The following CRYBG2 variants were observed in gnomAD, a reference collection of about 807,000 sequenced individuals.
CRYBG2 encodes the protein beta/gamma crystallin domain-containing protein 2.
A neutral mutation model predicts 153.4 loss-of-function variants in CRYBG2; 106 were observed. The ratio of observed to expected loss-of-function variants is 0.69; its 90% confidence interval spans 0.59 to 0.81. CRYBG2 has a LOEUF of 0.81. CRYBG2 is among the 30% of genes least tolerant of loss of function. The pLI, the probability that CRYBG2 is intolerant of heterozygous loss-of-function variation, is 0.00. For missense variants in CRYBG2, 1,996 were observed against 2,112.0 expected (o/e 0.95, Z 1.08); for synonymous variants, 851 against 877.8 (o/e 0.97, Z 0.54).
At chr1:26,334,111 T>G (rs2074027714) in intron 14 of CRYBG2, among the ~76,000 whole-genome samples, 1 of 152,140 alleles carries the variant, frequency 6.6e-6, no homozygotes, top group South Asian at 2.1e-4. Context: ...CCCAGCTTCA[T>G]GGTAATTATT....
chr1:26,322,189 G>C lies in CRYBG2; in HGVS notation c.4872C>G (p.Phe1624Leu). ...CCTTCACGTCCAGGATCTGGCCTTCGAACATCTGGCTGCAGATGTGGCCCG... is the reference window on the plus strand; with the variant it reads ...CCTTCACGTCCAGGATCTGGCCTTCCAACATCTGGCTGCAGATGTGGCCCG... Reference protein sequence around the residue: ...SESGHICSQMFEGQILDVKGG... With the variant: ...SESGHICSQMLEGQILDVKGG... Residue 1624 changes from phenylalanine to leucine, a missense_variant, in exon 19 of 20, where the codon TTC becomes TTG. Transcript: ENST00000308182. 6.2e-7 allele frequency: 1 copy of C among 1,614,038 alleles called. No homozygotes were observed. The highest frequency in any genetic ancestry group is 8.5e-7 in the Non-Finnish European group (1 of 1,179,936).
intron 15 of CRYBG2, among the ~76,000 whole-genome samples, chr1:26,329,479 AT>A (rs34287969): frequency 0.6 from 84,245 of 139,340 alleles, 25,341 homozygotes; most frequent in Middle Eastern, 0.67. Flanking sequence ...CGCAGCTTAG[AT>A]TTTTTTTTTT....
intron 14 of CRYBG2, among the ~76,000 whole-genome samples, chr1:26,334,787 G>A (rs1028827813): frequency 3.3e-5 from 5 of 152,058 alleles, no homozygotes; most frequent in Non-Finnish European, 7.4e-5. Flanking sequence ...GCTGGGCGTG[G>A]TGGCGGGTGC....
intron 8 of CRYBG2, 96 bp downstream of exon 8, chr1:26,337,916 G>A: frequency 1.3e-6 from 2 of 1,491,560 alleles, no homozygotes; most frequent in Non-Finnish European, 1.8e-6. Context: ...GGCCCCCAGT[G>A]CCCTCCTCTC....
At chr1:26,330,586 T>A (rs1191757761) in intron 15 of CRYBG2, among the ~76,000 whole-genome samples, 3 of 143,080 alleles carry the variant, frequency 2.1e-5, no homozygotes, top group African/African-American at 7.9e-5. Context: ...TCACCCAGGC[T>A]GGAGTACGGT....
Position 26,328,766 on chromosome 1 carries a change from GT to G in CRYBG2, c.4421del (p.Asn1474ThrfsTer37). On this transcript the variant is annotated frameshift_variant, in exon 16 of 20. Transcript: ENST00000308182. LOFTEE classifies it high-confidence loss of function. ...VRSLQAEGFN[N>X]HVLSVRIKGG... The stretch of plus-strand genomic sequence containing the variant: ...CCTTGATCCGCACAGACAGCACATG[GT>G]TGTTGAAGCCCTCGGCTTGCAGGCT... 1 of 1,614,056 alleles carries G rather than the reference GT, an allele frequency of 6.2e-7. No individual in the cohort carries two copies. Among genetic ancestry groups the G allele is most frequent in the Non-Finnish European group, 8.5e-7 (1 of 1,180,006 alleles).
rs1317769593 is a variant in CRYBG2, at chr1:26,345,827, C to A, written c.831G>T (p.Leu277=). Residue 277 remains leucine, a synonymous_variant, in exon 2 of 20, where the codon CTG becomes CTT. Transcript: ENST00000308182. The part of the protein sequence containing the change: ...GSTVGAALRQ[L]PETGTAELKD... ...TAAGCTCTGCTGTCCCGGTCTCAGG[C>A]AGCTGCCTCAAGGCTGCCCCCACTG... 3 of 1,596,404 alleles carry A rather than the reference C, an allele frequency of 1.9e-6. No homozygotes were observed. The highest frequency in any genetic ancestry group is 2.5e-6 in the Non-Finnish European group (3 of 1,179,136).
At chr1:26,347,727 T>G (rs1177648365) in intron 1 of CRYBG2, among the ~76,000 whole-genome samples, 1 of 152,048 alleles carries the variant, frequency 6.6e-6, no homozygotes, top group Non-Finnish European at 1.5e-5. Flanking sequence ...CCTGACCTCA[T>G]GATCCACCCG....
Position 26,336,292 on chromosome 1 carries a change from G to A in CRYBG2, c.4071+46C>T. 6.2e-7 allele frequency: 1 copy of A among 1,611,080 alleles called. No individual in the cohort carries two copies. Among genetic ancestry groups the A allele is most frequent in the Non-Finnish European group, 8.5e-7 (1 of 1,178,440 alleles). On this transcript the variant is annotated intron_variant, in intron 13 of 19. Coordinates refer to ENST00000308182, the MANE Select transcript of CRYBG2 (RefSeq NM_001039775.4). This position sits in a 1 kb window ranked among gnomAD's most constrained non-coding sequence, Gnocchi z 4.9. ...GGGGAGGGGAAAGGTCCGAAATGAG[G>A]GGAGAGACGTGAGCCCAGCGGCTCC...
At chr1:26,353,933 C>G (rs2074311064) in intron 1 of CRYBG2, 103 bp downstream of exon 1, 1 of 398,718 alleles carries the variant, frequency 2.5e-6, no homozygotes, top group Non-Finnish European at 4.4e-6. Context: ...GCTCAGGGTC[C>G]TGAATGAATG....
rs10611174 is a variant in CRYBG2 at position 26,324,504 on chromosome 1, TCACACA to T, written c.4579-200_4579-195del. 2.6e-3 allele frequency among the ~76,000 whole-genome samples: 328 copies of T among 126,560 alleles called. 1 individual carries two copies. Among genetic ancestry groups the T allele is most frequent in the South Asian group, 3.7e-3 (15 of 4,070 alleles). The allele number at this position is 126,560 out of a possible 152,430, so 83.0% of individuals were successfully genotyped here. A position where few individuals can be genotyped will look rare whatever the true frequency, so the allele number is the denominator to read the frequency against. On this transcript the variant is annotated intron_variant, in intron 17 of 19. Coordinates refer to ENST00000308182, the MANE Select transcript of CRYBG2 (RefSeq NM_001039775.4). The stretch of plus-strand genomic sequence containing the variant: ...GAGAGCACATGTATCTCTCTCTCTC[TCACACA>T]CACACACACACACACACACACACAC...
intron 1 of CRYBG2, among the ~76,000 whole-genome samples, chr1:26,347,739 C>T (rs1466125067): frequency 6.6e-6 from 1 of 152,148 alleles, no homozygotes; most frequent in African/African-American, 2.4e-5. Context: ...ATCCACCCGT[C>T]TTGGCCTCCC....
chr1:26,345,357 C>G lies in CRYBG2; in HGVS notation c.1301G>C (p.Gly434Ala). The G allele has an allele frequency of 6.2e-7, 1 of 1,613,408 alleles. No individual in the cohort carries two copies. Among genetic ancestry groups the G allele is most frequent in the South Asian group, 1.1e-5 (1 of 91,082 alleles). The change falls in exon 2 of 20, where the codon GGA becomes GCA. Residue 434 changes from glycine to alanine, a missense_variant. Physicochemically the swap from Gly to Ala is moderately conservative, Grantham distance 60 (BLOSUM62 0). Coordinates refer to ENST00000308182, the MANE Select transcript of CRYBG2 (RefSeq NM_001039775.4). ...TTRRKDVPSPGGLSAPSSPRN... is the reference protein window; with the variant it reads ...TTRRKDVPSPAGLSAPSSPRN... ...TGGGGACGATGGAGCAGAAAGACCTCCTGGGCTGGGGACATCCTTCCTTCT... is the reference window on the plus strand; with the variant it reads ...TGGGGACGATGGAGCAGAAAGACCTGCTGGGCTGGGGACATCCTTCCTTCT...
rs1017467506 is a variant in CRYBG2, at chr1:26,339,439, G to T, written c.3205-10C>A. 6.2e-7 allele frequency: 1 copy of T among 1,613,496 alleles called. No individual in the cohort carries two copies. ...CCGGGGTGCTGTAGTCCTGTGGAAG[G>T]AGGGGGAAAATTAAATATAGATAAA... On this transcript the variant is annotated splice_polypyrimidine_tract_variant and intron_variant, in intron 5 of 19. Coordinates refer to ENST00000308182, the MANE Select transcript of CRYBG2 (RefSeq NM_001039775.4).
chr1:26,322,387 A>T, intron 18 of CRYBG2, 64 bp from the exon 19 acceptor site: 1 of 1,527,004 alleles, frequency 6.5e-7, no homozygotes, highest in South Asian at 1.2e-5. Flanking sequence ...TACCCAAGAA[A>T]CCCTTGACCC....
chr1:26,328,097 CA>C, intron 17 of CRYBG2, 111 bp downstream of exon 17: 1 of 1,413,546 alleles, frequency 7.1e-7, no homozygotes, highest in Non-Finnish European at 9.3e-7. Flanking sequence ...AAAGTTGTGA[CA>C]AAAGTACACA....
chr1:26,322,303 T>G lies in CRYBG2; in HGVS notation c.4758A>C (p.Leu1586=). 2 of 1,612,898 alleles carry G rather than the reference T, an allele frequency of 1.2e-6. No individual in the cohort carries two copies. Among genetic ancestry groups the G allele is most frequent in the Non-Finnish European group, 1.7e-6 (2 of 1,179,526 alleles). The change falls in exon 19 of 20, where the codon CTA becomes CTC. Residue 1586 remains leucine (L), a synonymous_variant. Transcript: ENST00000308182. Reference sequence around the variant, plus strand: ...CTGGGCTAGGGGGTCCAATCACCTGTAGGCTCATGGTGGGGGCCATCTGAG... The same window carrying G: ...CTGGGCTAGGGGGTCCAATCACCTGGAGGCTCATGGTGGGGGCCATCTGAG... ...LKNQMAPTMS[L]QVIGPPSPGS...
At chr1:26,329,169 T>C (rs2073968594) in intron 15 of CRYBG2, among the ~76,000 whole-genome samples, 1 of 129,068 alleles carries the variant, frequency 7.7e-6, no homozygotes, top group Admixed American at 8.8e-5. Flanking sequence ...GGGCTTATTC[T>C]AGGCTTTTTT....
intron 17 of CRYBG2, among the ~76,000 whole-genome samples, chr1:26,327,636 C>A: frequency 2.1e-5 from 3 of 145,914 alleles, no homozygotes; most frequent in African/African-American, 2.5e-5. Context: ...GCAACAAGAC[C>A]AAAACTCCAT....
Sources: allele counts gnomAD v4.1 joint callset (sites outside exome capture counted in the v4.1 genomes callset), GRCh38; gene constraint gnomAD v4.1.1; non-coding constraint Gnocchi (gnomAD v3.1); transcripts MANE v1.5; gene names NCBI Gene and HGNC (gene_info 2026-07-23, HGNC 2026-07-21).